Variants in MAPK10 observed in about 807,000 individuals in gnomAD.
The protein encoded by MAPK10 is mitogen-activated protein kinase 10.
MAPK10 carries 25 observed loss-of-function variants against 59.3 expected under a neutral mutation model. That is an observed-to-expected ratio of 0.42 (90% CI 0.31 to 0.59). MAPK10 has a LOEUF of 0.59. Ranked by LOEUF, MAPK10 falls within the 20% of genes least tolerant of loss-of-function variation. MAPK10 has a pLI of 0.15. For synonymous variants in MAPK10, 190 were observed against 200.5 expected, an observed-to-expected ratio of 0.95 and a Z score of 0.44; for missense variants, 351 against 568.9, an observed-to-expected ratio of 0.62 and a Z score of 3.90.
At chr4:86,091,542 T>C (rs2053169664) in intron 9 of MAPK10, 1 of 144,026 alleles carries the variant, frequency 6.9e-6, no homozygotes, top group African/African-American at 2.6e-5. Context: ...CTTGATTTTT[T>C]TTTTTTTTTT....
chr4:86,225,414 G>A (rs182158006), intron 2 of MAPK10, among the ~76,000 whole-genome samples: 421 of 152,264 alleles, frequency 2.8e-3, no homozygotes, highest in Non-Finnish European at 4.6e-3. Context: ...ATCTGTTGCT[G>A]TAGGAAATGG....
At chr4:86,514,727 A>G (rs1756529763) in intron 1 of MAPK10, among the ~76,000 whole-genome samples, 1 of 152,222 alleles carries the variant, frequency 6.6e-6, no homozygotes, top group Admixed American at 6.5e-5. Context: ...TAGTCAAAGA[A>G]AAGTTTCATC....
chr4:86,228,609 T>C (rs2091050411), intron 2 of MAPK10, among the ~76,000 whole-genome samples: 1 of 152,198 alleles, frequency 6.6e-6, no homozygotes, highest in Non-Finnish European at 1.5e-5. Flanking sequence ...TCACAAGATA[T>C]TGTAAGCATA....
intron 1 of MAPK10, among the ~76,000 whole-genome samples, chr4:86,471,773 T>C (rs1004171782): frequency 1.3e-5 from 2 of 152,054 alleles, no homozygotes; most frequent in Non-Finnish European, 2.9e-5. Flanking sequence ...ATCTGCTATG[T>C]TTTCCTTTTT....
intron 3 of MAPK10, among the ~76,000 whole-genome samples, chr4:86,184,206 G>A (rs1209624317): frequency 6.6e-6 from 1 of 152,128 alleles, no homozygotes; most frequent in East Asian, 1.9e-4. Flanking sequence ...TAGACATGAA[G>A]TCCTTGCCCA....
chr4:86,393,731 T>A (rs1742536797), intron 1 of MAPK10, among the ~76,000 whole-genome samples: 1 of 152,124 alleles, frequency 6.6e-6, no homozygotes, highest in African/African-American at 2.4e-5. Flanking sequence ...CTTAGTAGAA[T>A]AATAAAAAAT....
intron 2 of MAPK10, among the ~76,000 whole-genome samples, chr4:86,244,864 T>A (rs752822316): frequency 6.6e-6 from 1 of 152,192 alleles, no homozygotes; most frequent in Non-Finnish European, 1.5e-5. Flanking sequence ...TCTGAGAAAT[T>A]TTCTTTTTAA....
In MAPK10 at chr4:86,576,080, C is replaced by T. The variant is rs560209409; in HGVS notation, c.-263+17830G>A. 1.8e-4 allele frequency among the ~76,000 whole-genome samples: 28 copies of T among 151,844 alleles called. No homozygotes were observed. The South Asian group carries it at 5.6e-3, about 30-fold the overall frequency. On this transcript the variant is annotated intron_variant, in intron 1 of 4. Transcript: ENST00000502302. ...GCTCATAGCTCACTGCTACCTCAAA[C>T]TCCTGGGCTTAAGTGATCTTCTCAC...
chr4:86,453,256 CAG>C (rs1212532218), upstream of MAPK10: 1 of 152,286 alleles, frequency 6.6e-6, no homozygotes, highest in Non-Finnish European at 1.5e-5. Context: ...GGCCAGAACT[CAG>C]GGGGAGGGCA....
chr4:86,498,722 C>T (rs1755079448), intron 1 of MAPK10, among the ~76,000 whole-genome samples: 1 of 152,136 alleles, frequency 6.6e-6, no homozygotes. Flanking sequence ...TAGGGTACAC[C>T]ACTCTGTTGC....
At chr4:86,101,374 TTAAC>T (rs1366838181) in intron 7 of MAPK10, 157 bp from the exon 8 acceptor site, 2 of 538,138 alleles carry the variant, frequency 3.7e-6, no homozygotes, top group African/African-American at 3.8e-5. Flanking sequence ...TACAAATAAG[TTAAC>T]TATTAGTTTT....
intron 3 of MAPK10, among the ~76,000 whole-genome samples, chr4:86,180,576 G>A (rs1219512348): frequency 1.3e-5 from 2 of 150,710 alleles, no homozygotes; most frequent in African/African-American, 4.9e-5. Flanking sequence ...ATTCACAATA[G>A]CCAAGACATG....
chr4:86,467,181 AAGC>A (rs1752275555), intron 1 of MAPK10, among the ~76,000 whole-genome samples: 1 of 152,224 alleles, frequency 6.6e-6, no homozygotes, highest in Non-Finnish European at 1.5e-5. Context: ...CACTGTATTG[AAGC>A]GGGCCTCACA....
chr4:86,339,789 T>C (rs1723802975), intron 2 of MAPK10, among the ~76,000 whole-genome samples: 1 of 152,218 alleles, frequency 6.6e-6, no homozygotes, highest in Non-Finnish European at 1.5e-5. Flanking sequence ...CCAAAATAAG[T>C]TCTCCATAAG....
chr4:86,548,583 C>T (rs1009790447), intron 1 of MAPK10, among the ~76,000 whole-genome samples: 2 of 152,186 alleles, frequency 1.3e-5, no homozygotes, highest in African/African-American at 4.8e-5. Flanking sequence ...CACCATCCTC[C>T]TAGTGATAGG....
At chr4:86,388,682 T>TA (rs1451543122) in intron 1 of MAPK10, among the ~76,000 whole-genome samples, 1 of 152,160 alleles carries the variant, frequency 6.6e-6, no homozygotes, top group African/African-American at 2.4e-5. Context: ...TGAATCCATG[T>TA]AAAAATGACT....
chr4:86,515,821 T>C (rs1756612804), intron 1 of MAPK10, among the ~76,000 whole-genome samples: 1 of 152,198 alleles, frequency 6.6e-6, no homozygotes, highest in African/African-American at 2.4e-5. Flanking sequence ...TCTTTTGTTG[T>C]GCAGAAGCTT....
At chr4:86,293,174 A>C (rs944571718) in intron 2 of MAPK10, among the ~76,000 whole-genome samples, 10 of 152,370 alleles carry the variant, frequency 6.6e-5, no homozygotes, top group African/African-American at 2.4e-4. Context: ...TGTATAAAAA[A>C]ATTAATGTTC....
At chr4:86,036,265 C>T (rs375499962) in intron 11 of MAPK10, among the ~76,000 whole-genome samples, 1 of 152,106 alleles carries the variant, frequency 6.6e-6, no homozygotes, top group South Asian at 2.1e-4. Flanking sequence ...GATAGATCTT[C>T]GGTGGAGGAC....
Sources: allele counts gnomAD v4.1 joint callset (sites outside exome capture counted in the v4.1 genomes callset), GRCh38; gene constraint gnomAD v4.1.1; transcripts MANE v1.5; gene names NCBI Gene and HGNC (gene_info 2026-07-23, HGNC 2026-07-21).